Variants in ATF6 observed in about 807,000 individuals in gnomAD.
The protein encoded by ATF6 is activating transcription factor 6.
In ATF6, 53 loss-of-function variants were observed where a neutral mutation model predicts 83.6. The observed-to-expected ratio is 0.63, with a 90% CI of 0.51 to 0.80. The LOEUF (loss-of-function observed/expected upper bound fraction) is 0.80. ATF6 is among the 30% of genes least tolerant of loss of function. The probability of loss-of-function intolerance (pLI) is 0.00; values close to 1 mark genes in which losing one functional copy is unlikely to be tolerated. For missense variants in ATF6, 744 were observed against 797.9 expected, an observed-to-expected ratio of 0.93 and a Z score of 0.81; for synonymous variants, 288 against 285.8, an observed-to-expected ratio of 1.01 and a Z score of -0.08.
Position 161,816,608 on chromosome 1 carries a change from C to T in ATF6, c.910-3025C>T, listed in dbSNP as rs547411481. Among the ~76,000 whole-genome samples, 21 of 152,236 alleles carry T rather than the reference C, an allele frequency of 1.4e-4. No homozygotes were observed. In the South Asian group the frequency reaches 2.1e-3, roughly 15 times the overall value. On this transcript the variant is annotated intron_variant, in intron 7 of 15. Coordinates refer to ENST00000367942, the MANE Select transcript of ATF6 (RefSeq NM_007348.4). Reference sequence around the variant, plus strand: ...AATGATGAGGCTTATTTTAAAGAATCTTGAAAACTATAGTAATTTCAACAA... The same window carrying T: ...AATGATGAGGCTTATTTTAAAGAATTTTGAAAACTATAGTAATTTCAACAA...
intron 14 of ATF6, among the ~76,000 whole-genome samples, chr1:161,889,020 T>C (rs886890442): frequency 6.6e-6 from 1 of 152,200 alleles, no homozygotes; most frequent in Non-Finnish European, 1.5e-5. Context: ...TATAATTCTC[T>C]TTACCGCATC....
Position 161,961,058 on chromosome 1 carries a change from G to A in ATF6, c.*2404G>A, listed in dbSNP as rs897545381. ...GAAGGACCCATCTCGTGGCCTTCTT[G>A]TTCTTAGCGCTTCACTTTTACTTCA... On this transcript the variant is annotated 3_prime_UTR_variant, in exon 16 of 16. Coordinates refer to ENST00000367942, the MANE Select transcript of ATF6 (RefSeq NM_007348.4). 1.3e-5 allele frequency: 2 copies of A among 152,166 alleles called. No individual in the cohort carries two copies. The highest frequency in any genetic ancestry group is 2.4e-5 in the African/African-American group (1 of 41,432). 9.4% of individuals were successfully genotyped at this position (152,166 alleles called of 1,614,324 possible).
chr1:161,832,621 C>G (rs1686093662), intron 9 of ATF6, among the ~76,000 whole-genome samples: 1 of 152,246 alleles, frequency 6.6e-6, no homozygotes, highest in African/African-American at 2.4e-5. Flanking sequence ...CAGCACCTGA[C>G]TTGGAGGGTC....
chr1:161,951,786 C>T (rs890642688), intron 15 of ATF6, among the ~76,000 whole-genome samples: 1 of 152,124 alleles, frequency 6.6e-6, no homozygotes, highest in African/African-American at 2.4e-5. Context: ...GAGTAAGCTG[C>T]ACAAGGGAAA....
At chr1:161,799,182 A>T (rs773687223) in intron 6 of ATF6, among the ~76,000 whole-genome samples, 1 of 152,216 alleles carries the variant, frequency 6.6e-6, no homozygotes, top group Non-Finnish European at 1.5e-5. Flanking sequence ...ATCAACCTAG[A>T]TGCCCATCAG....
chr1:161,871,228 G>T (rs112462458), intron 14 of ATF6, among the ~76,000 whole-genome samples: 1,848 of 151,710 alleles, frequency 0.012, 20 homozygotes, highest in South Asian at 0.022. Flanking sequence ...CGGTGACTTG[G>T]ATAGCAATGA....
chr1:161,928,978 C>T (rs1688378026), intron 15 of ATF6, among the ~76,000 whole-genome samples: 1 of 152,200 alleles, frequency 6.6e-6, no homozygotes, highest in East Asian at 1.9e-4. Flanking sequence ...CAGGGAGCCT[C>T]ATTTGGCATA....
At chr1:161,852,964 A>G (rs185590848) in intron 11 of ATF6, among the ~76,000 whole-genome samples, 298 of 152,278 alleles carry the variant, frequency 2.0e-3, no homozygotes, top group Middle Eastern at 3.4e-3. Context: ...CAGTGTTTAT[A>G]TTTGGGAGGT....
At chr1:161,825,367 T>C (rs1013115223) in intron 9 of ATF6, among the ~76,000 whole-genome samples, 1 of 152,192 alleles carries the variant, frequency 6.6e-6, no homozygotes, top group Non-Finnish European at 1.5e-5. Flanking sequence ...TGACACTACC[T>C]GGAGCTAGCA....
At chr1:161,809,179 T>A (rs1004548224) in intron 7 of ATF6, among the ~76,000 whole-genome samples, 8 of 152,336 alleles carry the variant, frequency 5.3e-5, no homozygotes, top group Middle Eastern at 3.4e-3. Context: ...TATCTCCTAA[T>A]GCTATCCCTC....
At chr1:161,947,163 C>T (rs999855352) in intron 15 of ATF6, among the ~76,000 whole-genome samples, 7 of 152,272 alleles carry the variant, frequency 4.6e-5, no homozygotes, top group South Asian at 2.1e-4. Context: ...ACAAGGATTA[C>T]GGCAGTGGAG....
At chr1:161,950,719 C>G (rs1571259101) in intron 15 of ATF6, among the ~76,000 whole-genome samples, 1 of 152,130 alleles carries the variant, frequency 6.6e-6, no homozygotes, top group East Asian at 1.9e-4. Context: ...TACCCCAACC[C>G]AGTCTTCTCA....
intron 7 of ATF6, among the ~76,000 whole-genome samples, chr1:161,803,185 ATCTG>A (rs1685197459): frequency 6.6e-6 from 1 of 152,194 alleles, no homozygotes; most frequent in Admixed American, 6.6e-5. Flanking sequence ...CTACTGTCTG[ATCTG>A]TCTGCCAGAA....
In ATF6 at chr1:161,807,863, A is replaced by ATTTTTTTTTTTTT. The variant is rs1557971141; in HGVS notation, c.909+5592_909+5593insTTTTTTTTTTTTT. On this transcript the variant is annotated intron_variant, in intron 7 of 15. Transcript: ENST00000367942. ...TACTTTTTGTACTTTTTAGTTTGTCATCTTTTTTTTTTTTTTTTTTTTTTT... is the reference window on the plus strand; with the variant it reads ...TACTTTTTGTACTTTTTAGTTTGTCATTTTTTTTTTTTTTCTTTTTTTTTTTTTTTTTTTTTTT... Among the ~76,000 whole-genome samples, 14 of 54,774 alleles carry ATTTTTTTTTTTTT rather than the reference A, an allele frequency of 2.6e-4. 2 individuals carry two copies. The highest frequency in any genetic ancestry group is 8.2e-4 in the African/African-American group (10 of 12,192). The allele number at this position is 54,774 out of a possible 152,430, so 35.9% of individuals were successfully genotyped here. A position where few individuals can be genotyped will look rare whatever the true frequency, so the allele number is the denominator to read the frequency against.
intron 15 of ATF6, among the ~76,000 whole-genome samples, chr1:161,921,669 T>G (rs188151496): frequency 1.3e-5 from 2 of 152,332 alleles, no homozygotes; most frequent in East Asian, 3.9e-4. Context: ...TTATGCATCT[T>G]GAATTAGAGA....
chr1:161,936,910 T>C (rs1688547286), intron 15 of ATF6, among the ~76,000 whole-genome samples: 1 of 152,130 alleles, frequency 6.6e-6, no homozygotes, highest in Non-Finnish European at 1.5e-5. Context: ...GTCCTTCACA[T>C]TGCACAGCCA....
chr1:161,802,045 A>G lies in ATF6; in HGVS notation c.689-7A>G. ...CCCTTTGATTCCTTTTCTTTTTTCT[A>G]ACGCAGGCCAGACGGTTTTGCTGTC... On this transcript the variant is annotated splice_polypyrimidine_tract_variant and splice_region_variant and intron_variant, in intron 6 of 15. Coordinates refer to ENST00000367942, the MANE Select transcript of ATF6 (RefSeq NM_007348.4). The G allele has an allele frequency of 6.2e-7, 1 of 1,613,740 alleles. No individual in the cohort carries two copies. Among genetic ancestry groups the G allele is most frequent in the Non-Finnish European group, 8.5e-7 (1 of 1,179,850 alleles).
rs1029083939 is a variant in ATF6 at position 161,959,931 on chromosome 1, T to C, written c.*1277T>C. On this transcript the variant is annotated 3_prime_UTR_variant, in exon 16 of 16. Coordinates refer to ENST00000367942, the MANE Select transcript of ATF6 (RefSeq NM_007348.4). The stretch of plus-strand genomic sequence containing the variant: ...TTAGACTTAAACAAGACAAAAGTTT[T>C]TTCACTGAAGAATTGACAAGTATTT... 6.6e-6 allele frequency: 1 copy of C among 152,208 alleles called. No individual in the cohort carries two copies. The highest frequency in any genetic ancestry group is 1.5e-5 in the Non-Finnish European group (1 of 68,030). 9.4% of individuals were successfully genotyped at this position (152,208 alleles called of 1,614,324 possible). A position where few individuals can be genotyped will look rare whatever the true frequency, so the allele number is the denominator to read the frequency against.
intron 15 of ATF6, among the ~76,000 whole-genome samples, chr1:161,923,814 C>T (rs890383286): frequency 2.0e-5 from 3 of 152,204 alleles, no homozygotes; most frequent in Non-Finnish European, 4.4e-5. Context: ...GCCCCCTGTA[C>T]CTAAGTGACC....
Sources: gnomAD v4.1 joint callset for allele counts (sites outside exome capture counted in the v4.1 genomes callset) on GRCh38, gnomAD v4.1.1 for gene constraint, MANE v1.5 for transcripts, NCBI Gene and HGNC (gene_info 2026-07-23, HGNC 2026-07-21) for gene names.